ELP4: variants seen among roughly 807,000 people sequenced by gnomAD.
ELP4 encodes elongator complex protein 4.
A neutral mutation model predicts 48.9 loss-of-function variants in ELP4; 51 were observed. That is an observed-to-expected ratio of 1.04 (90% CI 0.83 to 1.32). ELP4 has a LOEUF of 1.32. ELP4 is among the 40% of genes most tolerant of loss of function. The pLI is 0.00. For missense variants in ELP4, 519 were observed against 514.6 expected (o/e 1.01, Z -0.08); for synonymous variants, 210 against 189.2 (o/e 1.11, Z -0.90).
At chr11:31,611,197 T>C (rs2134012846) in intron 5 of ELP4, among the ~76,000 whole-genome samples, 1 of 152,318 alleles carries the variant, frequency 6.6e-6, no homozygotes, top group East Asian at 1.9e-4. Context: ...TCTGCAGTGA[T>C]GGAAATTTTC....
chr11:31,640,119 G>A (rs1176823950), intron 7 of ELP4, among the ~76,000 whole-genome samples: 2 of 151,874 alleles, frequency 1.3e-5, no homozygotes, highest in Admixed American at 6.6e-5. Context: ...AGCCCTGTGT[G>A]TTCAAGCTAC....
intron 5 of ELP4, among the ~76,000 whole-genome samples, chr11:31,610,211 A>G (rs1957952023): frequency 6.6e-6 from 1 of 152,210 alleles, no homozygotes; most frequent in Non-Finnish European, 1.5e-5. Flanking sequence ...GAAAGGCATC[A>G]TGTAAGTGTG....
intron 3 of ELP4, among the ~76,000 whole-genome samples, chr11:31,546,341 T>G (rs1339844464): frequency 6.6e-6 from 1 of 152,092 alleles, no homozygotes; most frequent in African/African-American, 2.4e-5. Flanking sequence ...AATCCGAGTC[T>G]CTGATAAAAC....
intron 6 of ELP4, among the ~76,000 whole-genome samples, chr11:31,628,974 T>C (rs1249786894): frequency 6.6e-6 from 1 of 152,020 alleles, no homozygotes; most frequent in African/African-American, 2.4e-5. Context: ...AAAGAAAGTT[T>C]TTATCTTTTT....
chr11:31,704,090 T>TA (rs889313951), intron 9 of ELP4, among the ~76,000 whole-genome samples: 51 of 148,208 alleles, frequency 3.4e-4, no homozygotes, highest in East Asian at 1.2e-3. Flanking sequence ...TAATAGAATT[T>TA]AAAAAAAAAA....
intron 4 of ELP4, among the ~76,000 whole-genome samples, chr11:31,598,390 G>A (rs1481085884): frequency 3.3e-5 from 5 of 149,578 alleles, no homozygotes; most frequent in Admixed American, 2.0e-4. Context: ...TGCTAATTTT[G>A]TTCTTCCTTT....
intron 9 of ELP4, among the ~76,000 whole-genome samples, chr11:31,675,287 G>A (rs1439254650): frequency 6.6e-6 from 1 of 150,680 alleles, no homozygotes; most frequent in Non-Finnish European, 1.5e-5. Flanking sequence ...TTTTTGAGAC[G>A]GAGTTTCGCT....
chr11:31,763,679 G>C, intron 9 of ELP4: 1 of 995,826 alleles, frequency 1.0e-6, no homozygotes, highest in Non-Finnish European at 1.4e-6. Flanking sequence ...TTTTACCAAA[G>C]ATTAAACTTT....
In ELP4 at chr11:31,544,329, C is replaced by T. The variant is rs552581037; in HGVS notation, c.381+4546C>T. ...GCACTTTTCAGATGGGTTTAAAAAA[C>T]GGCGCATCAGGAGTTTATATCCTGC... On this transcript the variant is annotated intron_variant, in intron 3 of 9. Transcript: ENST00000640961. Among the ~76,000 whole-genome samples the T allele has an allele frequency of 1.6e-4, 24 of 152,332 alleles. 1 individual carries two copies. In the East Asian group the frequency reaches 1.7e-3, roughly 11 times the overall value.
At chr11:31,705,525 A>G (rs1946612325) in intron 9 of ELP4, among the ~76,000 whole-genome samples, 1 of 152,200 alleles carries the variant, frequency 6.6e-6, no homozygotes, top group African/African-American at 2.4e-5. Flanking sequence ...TTTTAAAACT[A>G]CTGCTTTATA....
intron 3 of ELP4, among the ~76,000 whole-genome samples, chr11:31,580,974 C>T (rs1245395220): frequency 2.0e-5 from 3 of 152,156 alleles, no homozygotes; most frequent in Non-Finnish European, 4.4e-5. Flanking sequence ...ATTTCTTATT[C>T]AGTCAAATAT....
chr11:31,578,483 A>T (rs1303126480), intron 3 of ELP4, among the ~76,000 whole-genome samples: 1 of 152,196 alleles, frequency 6.6e-6, no homozygotes, highest in East Asian at 1.9e-4. Context: ...CTTTGCCAAG[A>T]CAATCCTAAG....
chr11:31,743,067 A>C (rs763745555), intron 9 of ELP4, among the ~76,000 whole-genome samples: 2 of 152,206 alleles, frequency 1.3e-5, no homozygotes, highest in Non-Finnish European at 2.9e-5. Flanking sequence ...TCTACCAAGC[A>C]AATGGAAAAC....
intron 9 of ELP4, chr11:31,653,811 T>G (rs1945374113): frequency 6.6e-6 from 1 of 151,794 alleles, no homozygotes; most frequent in Non-Finnish European, 1.5e-5. Context: ...ACTTCCAAGC[T>G]AAAATAACTG....
intron 9 of ELP4, among the ~76,000 whole-genome samples, chr11:31,675,270 T>C (rs1195954991): frequency 1.1e-5 from 1 of 89,848 alleles, no homozygotes; most frequent in Non-Finnish European, 3.1e-5. Context: ...CATTTAATCT[T>C]TTTTTTTTTT....
chr11:31,714,618 A>G (rs2134176540), intron 9 of ELP4: 1 of 398,492 alleles, frequency 2.5e-6, no homozygotes, highest in Admixed American at 4.4e-5. Context: ...TTATTTTCCT[A>G]CGGTTCTGGC....
rs924191892 is a variant in ELP4 at position 31,658,693 on chromosome 11, C to T, written c.1143+8472C>T. Among the ~76,000 whole-genome samples the T allele has an allele frequency of 2.6e-5, 4 of 151,674 alleles. No individual in the cohort carries two copies. In the East Asian group the frequency reaches 7.7e-4, roughly 29 times the overall value. On this transcript the variant is annotated intron_variant, in intron 9 of 9. Coordinates refer to ENST00000640961, the MANE Select transcript of ELP4 (RefSeq NM_019040.5). The stretch of plus-strand genomic sequence containing the variant: ...TATTAATTTGCTTATAGCTAATCAA[C>T]CTGTTTTTGTATTTTAAATTTTTCT...
At chr11:31,516,432 A>G (rs901202491) in intron 1 of ELP4, among the ~76,000 whole-genome samples, 1 of 152,236 alleles carries the variant, frequency 6.6e-6, no homozygotes, top group African/African-American at 2.4e-5. Context: ...GAATTATAAC[A>G]TTAGTGTGGC....
intron 7 of ELP4, 170 bp from the exon 8 acceptor site, chr11:31,647,571 G>A: frequency 2.0e-6 from 1 of 502,014 alleles, no homozygotes; most frequent in Non-Finnish European, 3.6e-6. Flanking sequence ...TCAATTAAGG[G>A]CATATTTCCA....
Sources: gnomAD v4.1 joint callset for allele counts (sites outside exome capture counted in the v4.1 genomes callset) on GRCh38, gnomAD v4.1.1 for gene constraint, MANE v1.5 for transcripts, NCBI Gene and HGNC (gene_info 2026-07-23, HGNC 2026-07-21) for gene names.